ADAMTSL3: variants seen among roughly 807,000 people sequenced by gnomAD.
The protein encoded by ADAMTSL3 is ADAMTS like 3.
ADAMTSL3 carries 128 observed loss-of-function variants against 201.7 expected under a neutral mutation model. That is an observed-to-expected ratio of 0.63 (90% CI 0.55 to 0.73). The LOEUF (loss-of-function observed/expected upper bound fraction) is 0.73. ADAMTSL3 is among the 30% of genes least tolerant of loss of function. The pLI is 0.00. For missense variants in ADAMTSL3, 1,990 were observed against 2,119.6 expected, an observed-to-expected ratio of 0.94 and a Z score of 1.20; for synonymous variants, 738 against 748.4, an observed-to-expected ratio of 0.99 and a Z score of 0.23.
chr15:83,758,557 T>A (rs1046473514), intron 3 of ADAMTSL3, among the ~76,000 whole-genome samples: 2 of 152,232 alleles, frequency 1.3e-5, no homozygotes, highest in Non-Finnish European at 2.9e-5. Context: ...CCTGTTTGTT[T>A]GTTTTATAAT....
intron 3 of ADAMTSL3, among the ~76,000 whole-genome samples, chr15:83,708,616 A>T (rs1165992212): frequency 6.6e-6 from 1 of 152,230 alleles, no homozygotes; most frequent in Non-Finnish European, 1.5e-5. Flanking sequence ...ATCAGCTTAT[A>T]ATCTAACAGA....
chr15:83,872,598 C>CCACACACACACACACACACACACACA (rs149299146), intron 9 of ADAMTSL3, among the ~76,000 whole-genome samples: 10 of 46,500 alleles, frequency 2.2e-4, no homozygotes, highest in South Asian at 1.0e-3. Context: ...AAAATATACA[C>CCACACACACACACACACACACACACA]CACACACACA....
intron 26 of ADAMTSL3, among the ~76,000 whole-genome samples, chr15:84,024,758 C>A (rs756183502): frequency 5.9e-5 from 9 of 152,196 alleles, no homozygotes; most frequent in Admixed American, 3.3e-4. Context: ...GTCATGTGGT[C>A]ATAGCTAAGT....
At chr15:83,757,011 A>G (rs1251984689) in intron 3 of ADAMTSL3, among the ~76,000 whole-genome samples, 1 of 152,202 alleles carries the variant, frequency 6.6e-6, no homozygotes, top group Non-Finnish European at 1.5e-5. Flanking sequence ...TTTGCAGGGT[A>G]TAGCCCCTCT....
chr15:83,787,171 G>T (rs1486150417), intron 4 of ADAMTSL3, among the ~76,000 whole-genome samples: 1 of 152,068 alleles, frequency 6.6e-6, no homozygotes, highest in Non-Finnish European at 1.5e-5. Flanking sequence ...CTAGGACAGG[G>T]GCGACTCTTC....
At chr15:83,809,668 T>C (rs1361176400) in intron 5 of ADAMTSL3, among the ~76,000 whole-genome samples, 1 of 152,202 alleles carries the variant, frequency 6.6e-6, no homozygotes, top group Non-Finnish European at 1.5e-5. Flanking sequence ...CCATGACATT[T>C]TATGTGTTTA....
chr15:83,734,209 G>A (rs993628884), intron 3 of ADAMTSL3, among the ~76,000 whole-genome samples: 1 of 151,980 alleles, frequency 6.6e-6, no homozygotes, highest in African/African-American at 2.4e-5. Context: ...TTTTTAAAGG[G>A]GAAAAGTCTT....
intron 2 of ADAMTSL3, among the ~76,000 whole-genome samples, chr15:83,680,646 T>A (rs79996854): frequency 6.6e-6 from 1 of 151,896 alleles, no homozygotes; most frequent in Non-Finnish European, 1.5e-5. Flanking sequence ...TGTTTAATCA[T>A]CTTTTATAAT....
intron 2 of ADAMTSL3, among the ~76,000 whole-genome samples, chr15:83,674,389 C>T: frequency 6.6e-6 from 1 of 151,916 alleles, no homozygotes; most frequent in Non-Finnish European, 1.5e-5. Context: ...TCCTCCATTA[C>T]ATTACTTTTG....
intron 7 of ADAMTSL3, among the ~76,000 whole-genome samples, chr15:83,850,264 T>C (rs763240023): frequency 1.1e-4 from 17 of 152,114 alleles, no homozygotes; most frequent in Admixed American, 3.3e-4. Flanking sequence ...AGCTCCTCTG[T>C]GTCCTCAGAG....
intron 4 of ADAMTSL3, among the ~76,000 whole-genome samples, chr15:83,797,320 A>G (rs946082979): frequency 1.3e-5 from 2 of 152,222 alleles, no homozygotes; most frequent in Admixed American, 6.5e-5. Flanking sequence ...CTGAAAAAGC[A>G]TATGAAATGA....
At chr15:83,740,976 G>A (rs2062445100) in intron 3 of ADAMTSL3, among the ~76,000 whole-genome samples, 1 of 151,956 alleles carries the variant, frequency 6.6e-6, no homozygotes, top group African/African-American at 2.4e-5. Context: ...AAGACACCAG[G>A]CCAACATATT....
intron 3 of ADAMTSL3, among the ~76,000 whole-genome samples, chr15:83,767,960 C>G (rs1266575109): frequency 6.6e-6 from 1 of 152,164 alleles, no homozygotes; most frequent in East Asian, 1.9e-4. Flanking sequence ...GACACGGAAG[C>G]TGCAGAGCTG....
chr15:83,671,365 C>T (rs377244866), intron 2 of ADAMTSL3, among the ~76,000 whole-genome samples: 2 of 152,230 alleles, frequency 1.3e-5, no homozygotes, highest in South Asian at 4.2e-4. Context: ...CGGGATTTCT[C>T]CAGATTCTTT....
At chr15:83,948,549 T>G (rs1427009260) in intron 19 of ADAMTSL3, among the ~76,000 whole-genome samples, 1 of 152,050 alleles carries the variant, frequency 6.6e-6, no homozygotes, top group Non-Finnish European at 1.5e-5. Flanking sequence ...TCTAAGAAAC[T>G]TGGTTGGGCT....
rs1320405825 is a variant in ADAMTSL3 at position 83,937,474 on chromosome 15, CAAAG to C, written c.2118-5119_2118-5116del. On this transcript the variant is annotated intron_variant, in intron 17 of 29. Coordinates refer to ENST00000286744, the MANE Select transcript of ADAMTSL3 (RefSeq NM_207517.3). ...GCTAAATATTGAGAATACATCAACA[CAAAG>C]AAGGGAACAACAGACATCAGGGTCT... Among the ~76,000 whole-genome samples the C allele has an allele frequency of 4.6e-5, 7 of 150,630 alleles. 1 individual carries two copies. The highest frequency in any genetic ancestry group is 1.7e-4 in the African/African-American group (7 of 40,060).
intron 4 of ADAMTSL3, among the ~76,000 whole-genome samples, chr15:83,790,879 A>G (rs376483716): frequency 1.3e-5 from 2 of 152,356 alleles, no homozygotes; most frequent in East Asian, 3.9e-4. Context: ...AGATAACAAA[A>G]TTTAAAAATA....
chr15:83,998,374 G>A (rs1446821462), intron 23 of ADAMTSL3, among the ~76,000 whole-genome samples: 4 of 152,160 alleles, frequency 2.6e-5, no homozygotes, highest in African/African-American at 4.8e-5. Flanking sequence ...GCTTGAACCC[G>A]AGAGGCGGAG....
chr15:83,778,086 G>T (rs886927640), intron 4 of ADAMTSL3, among the ~76,000 whole-genome samples: 4 of 152,118 alleles, frequency 2.6e-5, no homozygotes, highest in African/African-American at 7.2e-5. Flanking sequence ...AGAATGAAAG[G>T]AATGAACAAA....
Sources: allele counts gnomAD v4.1 joint callset (sites outside exome capture counted in the v4.1 genomes callset), GRCh38; gene constraint gnomAD v4.1.1; transcripts MANE v1.5; gene names NCBI Gene and HGNC (gene_info 2026-07-23, HGNC 2026-07-21).